Variants in NDUFAF6 observed in about 807,000 individuals in gnomAD.
NDUFAF6 encodes the protein NADH dehydrogenase (ubiquinone) complex I, assembly factor 6.
NDUFAF6 carries 45 observed loss-of-function variants against 40.8 expected under a neutral mutation model. The observed-to-expected ratio is 1.10, with a 90% CI of 0.87 to 1.42. NDUFAF6 has a LOEUF of 1.42. NDUFAF6 is among the 40% of genes most tolerant of loss of function. NDUFAF6 has a pLI of 0.00. For missense variants in NDUFAF6, 435 were observed against 418.5 expected (o/e 1.04, Z -0.34); for synonymous variants, 185 against 155.9 (o/e 1.19, Z -1.39).
chr8:94,997,343 C>CACACACACACACAGAG (rs1242904810), intron 2 of NDUFAF6, among the ~76,000 whole-genome samples: 111 of 90,564 alleles, frequency 1.2e-3, no homozygotes, highest in South Asian at 1.9e-3. Context: ...CACACACACA[C>CACACACACACACAGAG]AGAGAGAGAG....
intron 2 of NDUFAF6, among the ~76,000 whole-genome samples, chr8:94,992,959 T>G (rs1826259577): frequency 6.6e-6 from 1 of 152,234 alleles, no homozygotes; most frequent in African/African-American, 2.4e-5. Context: ...TCCTCCTGCC[T>G]CTGTAAGTGT....
chr8:95,105,066 C>CACAG (rs1484172223), downstream of NDUFAF6, among the ~76,000 whole-genome samples: 271 of 72,866 alleles, frequency 3.7e-3, 3 homozygotes, highest in African/African-American at 1.0e-2. Flanking sequence ...CACACACACA[C>CACAG]AGAGAGAGAG....
At chr8:94,942,410 C>A (rs748284726) in intron 1 of NDUFAF6, among the ~76,000 whole-genome samples, 2 of 152,156 alleles carry the variant, frequency 1.3e-5, no homozygotes, top group African/African-American at 4.8e-5. Context: ...GCACAGGCAG[C>A]TCGAATCTGC....
intron 2 of NDUFAF6, chr8:94,988,738 AC>A (rs1325832043): frequency 6.6e-6 from 1 of 152,234 alleles, no homozygotes; most frequent in African/African-American, 2.4e-5. Context: ...AATGGTCCCA[AC>A]CCAGGCACTT....
At chr8:94,922,447 TAC>T (rs1289964248) in intron 1 of NDUFAF6, among the ~76,000 whole-genome samples, 3 of 151,070 alleles carry the variant, frequency 2.0e-5, no homozygotes, top group Non-Finnish European at 4.4e-5. Context: ...TCTGGCCCCA[TAC>T]ACAACAGACC....
intron 1 of NDUFAF6, among the ~76,000 whole-genome samples, chr8:94,942,003 T>G (rs542763794): frequency 6.6e-6 from 1 of 151,772 alleles, no homozygotes; most frequent in Admixed American, 6.6e-5. Context: ...AGCTGGCAGT[T>G]ATTCAGGCCA....
chr8:95,034,140 A>G lies in NDUFAF6; in HGVS notation c.298-1314A>G, dbSNP rs74433297. 1,062 of 455,240 alleles carry G rather than the reference A, an allele frequency of 2.3e-3. 6 individuals carry two copies. Among genetic ancestry groups the G allele is most frequent in the African/African-American group, 0.019 (975 of 50,132 alleles). 28.2% of individuals were successfully genotyped at this position (455,240 alleles called of 1,614,324 possible). On this transcript the variant is annotated intron_variant, in intron 2 of 8. Coordinates refer to ENST00000396124, the MANE Select transcript of NDUFAF6 (RefSeq NM_152416.4). ...ATGGAAAAGTAAGAGTAGTACAAAC[A>G]ATACTCATGACCCTGTTGTTAATAT...
chr8:94,927,982 G>A (rs1285592138), intron 1 of NDUFAF6: 4 of 152,172 alleles, frequency 2.6e-5, no homozygotes, highest in East Asian at 3.9e-4. Context: ...ACATCGTTCT[G>A]TGTTGTGGTT....
chr8:94,940,759 T>A, intron 1 of NDUFAF6: 1 of 1,176,116 alleles, frequency 8.5e-7, no homozygotes, highest in Non-Finnish European at 1.2e-6. Context: ...GGTTTCCTTA[T>A]GCAAAAACTG....
At chr8:95,083,691 C>T (rs1186479856) in intron 2 of NDUFAF6, among the ~76,000 whole-genome samples, 1 of 152,162 alleles carries the variant, frequency 6.6e-6, no homozygotes, top group Non-Finnish European at 1.5e-5. Flanking sequence ...GCATTAATTA[C>T]AAGATCTAGC....
intron 1 of NDUFAF6, among the ~76,000 whole-genome samples, chr8:94,917,951 C>G (rs1819248144): frequency 6.6e-6 from 1 of 152,202 alleles, no homozygotes; most frequent in South Asian, 2.1e-4. Context: ...CCTCTGGGGG[C>G]TGTGAATTGA....
At chr8:95,112,737 C>T (rs1265778037) in intron 4 of NDUFAF6, among the ~76,000 whole-genome samples, 1 of 152,208 alleles carries the variant, frequency 6.6e-6, no homozygotes, top group Non-Finnish European at 1.5e-5. Flanking sequence ...CTGCCGATTC[C>T]TCTCTCTCCT....
intron 2 of NDUFAF6, among the ~76,000 whole-genome samples, chr8:94,996,341 C>T (rs971429848): frequency 6.6e-6 from 1 of 152,176 alleles, no homozygotes; most frequent in African/African-American, 2.4e-5. Flanking sequence ...AGATACTTTC[C>T]TTATACCCTC....
intron 2 of NDUFAF6, among the ~76,000 whole-genome samples, chr8:94,989,664 C>T (rs948028461): frequency 6.6e-5 from 10 of 152,266 alleles, no homozygotes; most frequent in East Asian, 1.9e-4. Context: ...AATTCAGGTT[C>T]GTATTTTAAT....
At position 95,008,631 on chromosome 8, in the gene NDUFAF6, C is replaced by T. The variant is rs571691490; in HGVS notation, c.-83-23364C>T. ...AAACGATTCTTCTGACTCAGCCTCT[C>T]GAGTAGCCAGGATTACAGGCACGTG... On this transcript the variant is annotated intron_variant, in intron 2 of 9. Coordinates refer to the NDUFAF6 transcript ENST00000396111. Among the ~76,000 whole-genome samples, 380 of 152,186 alleles carry T rather than the reference C, an allele frequency of 2.5e-3. 4 individuals carry two copies. The highest frequency in any genetic ancestry group is 8.7e-3 in the African/African-American group (362 of 41,520).
chr8:95,059,809 A>G (rs1030857993), downstream of NDUFAF6, among the ~76,000 whole-genome samples: 1 of 152,140 alleles, frequency 6.6e-6, no homozygotes, highest in Non-Finnish European at 1.5e-5. Context: ...AGATCGTGCC[A>G]CTGCACTCAA....
At position 95,048,284 on chromosome 8, in the gene NDUFAF6, G is replaced by A. The variant is rs57065540; in HGVS notation, c.715-173G>A. Among the ~76,000 whole-genome samples the A allele has an allele frequency of 0.018, 2,680 of 152,026 alleles. 81 individuals carry two copies. The highest frequency in any genetic ancestry group is 0.06 in the African/African-American group (2,482 of 41,424). On this transcript the variant is annotated intron_variant, in intron 6 of 8. Transcript: ENST00000396124. ...TCTCCACACATGCACACACACGCAC[G>A]TGCTCACATACATTTCTAAAGACAA...
chr8:95,071,234 C>CA (rs34778035), intron 9 of NDUFAF6, among the ~76,000 whole-genome samples: 7,397 of 147,034 alleles, frequency 0.05, 594 homozygotes, highest in African/African-American at 0.17. Flanking sequence ...ACTAAAAATA[C>CA]AAAAAAAAAA....
At chr8:95,025,251 G>C in intron 1 of NDUFAF6, 46 bp downstream of exon 1, 1 of 1,352,262 alleles carries the variant, frequency 7.4e-7, no homozygotes, top group Non-Finnish European at 9.4e-7. Flanking sequence ...GCGGGGTCCC[G>C]GGGTGGGAGC....
Sources: allele counts gnomAD v4.1 joint callset (sites outside exome capture counted in the v4.1 genomes callset), GRCh38; gene constraint gnomAD v4.1.1; transcripts MANE v1.5; gene names NCBI Gene and HGNC (gene_info 2026-07-23, HGNC 2026-07-21).